SLC25A12: variants seen among roughly 807,000 people sequenced by gnomAD.
The protein encoded by SLC25A12 is solute carrier family 25 member 12.
A neutral mutation model predicts 83.3 loss-of-function variants in SLC25A12; 32 were observed. The observed-to-expected ratio is 0.38, with a 90% confidence interval of 0.29 to 0.52. SLC25A12 has a LOEUF of 0.52. Ranked by LOEUF, SLC25A12 falls within the 20% of genes least tolerant of loss-of-function variation. The pLI is 0.84. For missense variants in SLC25A12, 611 were observed against 835.6 expected, an observed-to-expected ratio of 0.73 and a Z score of 3.31; for synonymous variants, 267 against 291.1, an observed-to-expected ratio of 0.92 and a Z score of 0.84.
chr2:171,864,312 T>G (rs1685235281), intron 3 of SLC25A12, among the ~76,000 whole-genome samples: 1 of 152,210 alleles, frequency 6.6e-6, no homozygotes, highest in Non-Finnish European at 1.5e-5. Flanking sequence ...TTTATCTAAT[T>G]CATGCAACTA....
intron 8 of SLC25A12, 145 bp downstream of exon 8, chr2:171,833,818 G>C (rs1194459633): frequency 3.8e-6 from 2 of 529,228 alleles, no homozygotes; most frequent in Non-Finnish European, 6.9e-6. Context: ...ACATCTGCTT[G>C]TCTTTCTTGG....
chr2:171,805,207 C>CT (rs1236532254), intron 13 of SLC25A12, among the ~76,000 whole-genome samples: 1 of 151,720 alleles, frequency 6.6e-6, no homozygotes, highest in African/African-American at 2.4e-5. Flanking sequence ...CTCCTGGGTT[C>CT]AAGCGATTCT....
chr2:171,793,564 A>G (rs543155661), intron 14 of SLC25A12, 63 bp downstream of exon 14: 3 of 1,522,780 alleles, frequency 2.0e-6, no homozygotes, highest in East Asian at 4.5e-5. Context: ...CTTGGAGGGA[A>G]GAAGTCTGGT....
chr2:171,825,171 C>T (rs1419701245), intron 9 of SLC25A12, among the ~76,000 whole-genome samples: 2 of 152,170 alleles, frequency 1.3e-5, no homozygotes, highest in African/African-American at 2.4e-5. Context: ...AGCTAAATTG[C>T]AATGAGTTAC....
intron 15 of SLC25A12, among the ~76,000 whole-genome samples, chr2:171,790,074 C>A (rs1309545126): frequency 6.6e-6 from 1 of 152,064 alleles, no homozygotes; most frequent in African/African-American, 2.4e-5. Flanking sequence ...TCCCTGGGGC[C>A]GTTTCTTAAT....
At chr2:171,867,425 G>C (rs997369117) in intron 3 of SLC25A12, among the ~76,000 whole-genome samples, 2 of 152,190 alleles carry the variant, frequency 1.3e-5, no homozygotes, top group Non-Finnish European at 2.9e-5. Context: ...GCGGTTAGGA[G>C]CTGGAGACCA....
chr2:171,867,205 G>C (rs1474428247), intron 3 of SLC25A12, among the ~76,000 whole-genome samples: 9 of 151,654 alleles, frequency 5.9e-5, no homozygotes, highest in Admixed American at 5.2e-4. Flanking sequence ...GCCAGGCAGA[G>C]ACGCTCCTCA....
intron 15 of SLC25A12, chr2:171,788,234 A>C: frequency 3.1e-6 from 1 of 326,704 alleles, no homozygotes; most frequent in Non-Finnish European, 5.7e-6. Flanking sequence ...CAATATTAAT[A>C]AGACAATTCC....
intron 14 of SLC25A12, among the ~76,000 whole-genome samples, chr2:171,793,127 T>G (rs909248080): frequency 1.6e-4 from 25 of 151,910 alleles, no homozygotes; most frequent in Admixed American, 3.3e-4. Flanking sequence ...TGGTTTGTTT[T>G]TTTTTTTTTT....
At chr2:171,809,473 C>T (rs758949358) in intron 13 of SLC25A12, 133 bp downstream of exon 13, 105 of 775,850 alleles carry the variant, frequency 1.4e-4, no homozygotes, top group Non-Finnish European at 2.1e-4. Flanking sequence ...AAACTTATTC[C>T]ATATGATTAT....
intron 2 of SLC25A12, among the ~76,000 whole-genome samples, chr2:171,892,944 C>T (rs1271080804): frequency 6.6e-6 from 1 of 151,514 alleles, no homozygotes; most frequent in Non-Finnish European, 1.5e-5. Context: ...TGTGCTTAAG[C>T]TGGAAATTTT....
Position 171,784,968 on chromosome 2 carries a change from C to G in SLC25A12, c.*306G>C. 1 of 363,392 alleles carries G rather than the reference C, an allele frequency of 2.8e-6. No homozygotes were observed. Among genetic ancestry groups the G allele is most frequent in the Non-Finnish European group, 5.3e-6 (1 of 187,758 alleles). 22.5% of individuals were successfully genotyped at this position (363,392 alleles called of 1,614,324 possible). A position where few individuals can be genotyped will look rare whatever the true frequency, so the allele number is the denominator to read the frequency against. ...GATGAGGTGCCAAGATGTCTCTGTA[C>G]AAAGATGTACAATATGTACAATCAC... On this transcript the variant is annotated 3_prime_UTR_variant, in exon 18 of 18. Coordinates refer to ENST00000422440, the MANE Select transcript of SLC25A12 (RefSeq NM_003705.5).
chr2:171,827,558 T>C (rs143740946), intron 8 of SLC25A12, among the ~76,000 whole-genome samples: 152 of 152,310 alleles, frequency 1.0e-3, no homozygotes, highest in Middle Eastern at 3.4e-3. Context: ...TCTTCATTTA[T>C]ATAGGGTGTA....
At chr2:171,867,124 G>A (rs1162889246) in intron 3 of SLC25A12, among the ~76,000 whole-genome samples, 7 of 151,598 alleles carry the variant, frequency 4.6e-5, no homozygotes, top group African/African-American at 1.7e-4. Flanking sequence ...TGGCGGCCGG[G>A]CAGAGACGCT....
intron 15 of SLC25A12, chr2:171,788,730 C>T (rs1266181785): frequency 2.0e-5 from 3 of 152,482 alleles, no homozygotes; most frequent in Admixed American, 2.0e-4. Context: ...CTGAATATCA[C>T]TGTATCCTCA....
intron 2 of SLC25A12, among the ~76,000 whole-genome samples, chr2:171,884,932 G>A (rs536261733): frequency 4.6e-5 from 7 of 152,102 alleles, no homozygotes; most frequent in South Asian, 2.1e-4. Flanking sequence ...TGTATTGATC[G>A]GCCAGGTGCG....
intron 2 of SLC25A12, among the ~76,000 whole-genome samples, chr2:171,873,380 G>A (rs1361806084): frequency 1.3e-5 from 2 of 152,086 alleles, no homozygotes; most frequent in Admixed American, 6.6e-5. Context: ...CCTGGGAGGC[G>A]GAGGTTGCAG....
At chr2:171,871,541 T>C (rs10930496) in intron 2 of SLC25A12, among the ~76,000 whole-genome samples, 117,165 of 151,928 alleles carry the variant, frequency 0.77, 46,242 homozygotes, top group East Asian at 0.89. Flanking sequence ...AGGATGGTCT[T>C]GATCTCCTGA....
rs1558916790 is a variant in SLC25A12 at position 171,815,221 on chromosome 2, G to A, written c.931-19C>T. 3 of 1,589,876 alleles carry A rather than the reference G, an allele frequency of 1.9e-6. No individual in the cohort carries two copies. The highest frequency in any genetic ancestry group is 2.6e-6 in the Non-Finnish European group (3 of 1,158,678). ...GAGACTGCTGCAGAGAAGAAAACGGGTAAAAAAAAATCTTGAAAGCGCACA... is the reference window on the plus strand; with the variant it reads ...GAGACTGCTGCAGAGAAGAAAACGGATAAAAAAAAATCTTGAAAGCGCACA... On this transcript the variant is annotated intron_variant, in intron 9 of 17. Coordinates refer to ENST00000422440, the MANE Select transcript of SLC25A12 (RefSeq NM_003705.5).
Sources: gnomAD v4.1 joint callset for allele counts (sites outside exome capture counted in the v4.1 genomes callset) on GRCh38, gnomAD v4.1.1 for gene constraint, MANE v1.5 for transcripts, NCBI Gene and HGNC (gene_info 2026-07-23, HGNC 2026-07-21) for gene names.